TTC23: variants seen among roughly 807,000 people sequenced by gnomAD.
TTC23 encodes tetratricopeptide repeat protein 23.
A neutral mutation model predicts 55.1 loss-of-function variants in TTC23; 58 were observed. That is an observed-to-expected ratio of 1.05 (90% confidence interval 0.85 to 1.31). The LOEUF is 1.31. Ranked by LOEUF, TTC23 falls within the 50% of genes most tolerant of loss-of-function variation. The probability of loss-of-function intolerance (pLI) is 0.00; values close to 1 mark genes in which losing one functional copy is unlikely to be tolerated. For missense variants in TTC23, 516 were observed against 534.4 expected (o/e 0.97, Z 0.34); for synonymous variants, 203 against 199.9 (o/e 1.02, Z -0.13).
chr15:99,201,579 T>A (rs1224259891), intron 8 of TTC23, among the ~76,000 whole-genome samples: 1 of 152,190 alleles, frequency 6.6e-6, no homozygotes, highest in South Asian at 2.1e-4. Flanking sequence ...GGATCTGTGG[T>A]CCAGATGGCC....
chr15:99,246,203 C>G (rs1193414748), intron 1 of TTC23, among the ~76,000 whole-genome samples: 1 of 152,204 alleles, frequency 6.6e-6, no homozygotes, highest in Non-Finnish European at 1.5e-5. Context: ...CAAATCTTTA[C>G]TGCTTCAAAA....
chr15:99,177,173 T>C (rs1300013049), intron 9 of TTC23, among the ~76,000 whole-genome samples: 6 of 152,266 alleles, frequency 3.9e-5, no homozygotes, highest in African/African-American at 1.4e-4. Flanking sequence ...GCTAAGCTAC[T>C]AGCTCTGGAC....
chr15:99,242,219 T>C (rs1033947315), intron 2 of TTC23, among the ~76,000 whole-genome samples: 2 of 150,962 alleles, frequency 1.3e-5, no homozygotes, highest in Non-Finnish European at 2.9e-5. Context: ...GAAGCAAACT[T>C]ACCCATATGT....
chr15:99,178,987 C>G (rs12440477), intron 9 of TTC23, among the ~76,000 whole-genome samples: 14,108 of 152,162 alleles, frequency 0.093, 1,000 homozygotes, highest in East Asian at 0.29. Context: ...AATGGATGCT[C>G]TGTCTCCATG....
At chr15:99,191,422 T>C (rs2075243476) in intron 9 of TTC23, among the ~76,000 whole-genome samples, 2 of 152,214 alleles carry the variant, frequency 1.3e-5, no homozygotes, top group Non-Finnish European at 2.9e-5. Context: ...GGAGAAATGG[T>C]CCTTGCTAGA....
At chr15:99,221,996 G>T in intron 5 of TTC23, 132 bp from the exon 6 acceptor site, 1 of 1,022,964 alleles carries the variant, frequency 9.8e-7, no homozygotes, top group Non-Finnish European at 1.4e-6. Flanking sequence ...CTAAGCACTT[G>T]AGATGTATCA....
In TTC23 at chr15:99,214,476, C is replaced by A. The variant is rs1163237946; in HGVS notation, c.581+4112G>T. Among the ~76,000 whole-genome samples, 16 of 143,322 alleles carry A rather than the reference C, an allele frequency of 1.1e-4. No homozygotes were observed. In the Admixed American group the frequency reaches 1.2e-3, roughly 10 times the overall value. 94.0% of individuals were successfully genotyped at this position (143,322 alleles called of 152,430 possible). A position where few individuals can be genotyped will look rare whatever the true frequency, so the allele number is the denominator to read the frequency against. On this transcript the variant is annotated intron_variant, in intron 8 of 13. Transcript: ENST00000394132. ...TGAGCCGAGATCGCGCCATTGCACT[C>A]CAGCCTGGGTGACAGAGTGAGACTG...
intron 12 of TTC23, among the ~76,000 whole-genome samples, chr15:99,147,745 G>GTTAGTCAA (rs60689853): frequency 0.022 from 3,357 of 152,172 alleles, 116 homozygotes; most frequent in African/African-American, 0.077. Flanking sequence ...CCAACAATGG[G>GTTAGTCAA]TTAGTCAAAG....
chr15:99,235,219 G>A (rs968796290), intron 3 of TTC23, 139 bp from the exon 4 acceptor site: 2 of 152,090 alleles, frequency 1.3e-5, no homozygotes, highest in African/African-American at 4.8e-5. Context: ...TTGAACCCCA[G>A]CCTGAGAGAC....
chr15:99,176,287 T>A (rs1484758195), intron 9 of TTC23, among the ~76,000 whole-genome samples: 1 of 152,136 alleles, frequency 6.6e-6, no homozygotes, highest in Non-Finnish European at 1.5e-5. Context: ...TAGTTCACAA[T>A]TAATTGCCAA....
At chr15:99,203,633 C>T (rs1184676123) in intron 8 of TTC23, among the ~76,000 whole-genome samples, 2 of 152,078 alleles carry the variant, frequency 1.3e-5, no homozygotes, top group Non-Finnish European at 2.9e-5. Context: ...CTCCCTACTC[C>T]CCTTCAAAGC....
At chr15:99,218,788 T>C in intron 7 of TTC23, 75 bp from the exon 8 acceptor site, 11 of 1,604,544 alleles carry the variant, frequency 6.9e-6, no homozygotes, top group Admixed American at 1.7e-5. Flanking sequence ...TTGGCTCCCA[T>C]ACTTCCAATC....
At chr15:99,218,160 A>G (rs1388429070) in intron 8 of TTC23, among the ~76,000 whole-genome samples, 1 of 152,230 alleles carries the variant, frequency 6.6e-6, no homozygotes, top group African/African-American at 2.4e-5. Context: ...TGAGGAACAA[A>G]GAACAATCCT....
At chr15:99,161,204 A>G (rs1041164262) in intron 11 of TTC23, 2 of 152,548 alleles carry the variant, frequency 1.3e-5, no homozygotes, top group African/African-American at 4.8e-5. Flanking sequence ...ACACACACAT[A>G]TATAAAAACA....
intron 9 of TTC23, among the ~76,000 whole-genome samples, chr15:99,184,174 A>G (rs1481581138): frequency 6.6e-6 from 1 of 152,202 alleles, no homozygotes; most frequent in African/African-American, 2.4e-5. Context: ...AAGCATTCAC[A>G]GAGAACCTCT....
chr15:99,180,929 T>C (rs1446506162), intron 9 of TTC23, among the ~76,000 whole-genome samples: 1 of 152,142 alleles, frequency 6.6e-6, no homozygotes, highest in Non-Finnish European at 1.5e-5. Context: ...CAGCTGAGGG[T>C]GAGCACTGGA....
At chr15:99,138,234 A>C (rs2067764350) in intron 13 of TTC23, 107 bp from the exon 14 acceptor site, 19 of 1,365,926 alleles carry the variant, frequency 1.4e-5, no homozygotes, top group Non-Finnish European at 1.9e-5. Context: ...TTATGAGAAG[A>C]CTTGGTAGGG....
At chr15:99,217,140 T>C (rs2077535379) in intron 8 of TTC23, among the ~76,000 whole-genome samples, 1 of 149,948 alleles carries the variant, frequency 6.7e-6, no homozygotes, top group South Asian at 2.1e-4. Context: ...TACAAATTTA[T>C]ACAAATTTTC....
At chr15:99,251,100 ATGAAGGAACAGGTCAGTAACTGGCGG>A (rs1262686669), upstream of TTC23, 1 of 152,190 alleles carries the variant, frequency 6.6e-6, no homozygotes, top group African/African-American at 2.4e-5. Flanking sequence ...GAATGTATGA[ATGAAGGAACAGGTCAGTAACTGGCGG>A]TTCCCGAAGT....
Sources: allele counts gnomAD v4.1 joint callset (sites outside exome capture counted in the v4.1 genomes callset), GRCh38; gene constraint gnomAD v4.1.1; transcripts MANE v1.5; gene names NCBI Gene and HGNC (gene_info 2026-07-23, HGNC 2026-07-21).